The following NXPE3 variants were observed in gnomAD, a reference collection of about 807,000 sequenced individuals.
NXPE3 encodes NXPE family member 3.
Under a neutral mutation model 46.1 loss-of-function variants are expected in NXPE3, and 26 were observed. That is an observed-to-expected ratio of 0.56 (90% CI 0.41 to 0.78). NXPE3 has a LOEUF of 0.78. Ranked by LOEUF, NXPE3 falls within the 30% of genes least tolerant of loss-of-function variation. The probability of loss-of-function intolerance (pLI) is 0.00; values close to 1 mark genes in which losing one functional copy is unlikely to be tolerated. For missense variants in NXPE3, 620 were observed against 686.0 expected (o/e 0.90, Z 1.07); for synonymous variants, 272 against 257.9 (o/e 1.05, Z -0.52).
At chr3:101,819,469 G>A (rs1303634490) in intron 7 of NXPE3, among the ~76,000 whole-genome samples, 1 of 152,180 alleles carries the variant, frequency 6.6e-6, no homozygotes, top group African/African-American at 2.4e-5. Context: ...AGAGATGGAA[G>A]TTTTTCTGTA....
rs527636855 is a variant in NXPE3, at chr3:101,802,850, G to A, written c.848+861G>A. 4.6e-5 allele frequency among the ~76,000 whole-genome samples: 7 copies of A among 151,836 alleles called. No individual in the cohort carries two copies. The South Asian group carries it at 1.5e-3, about 32-fold the overall frequency. Reference sequence around the variant, plus strand: ...CTTCAACATTCCATAACATCACTAAGAAATAAAAAATTATAAAAGCTACAT... The same window carrying A: ...CTTCAACATTCCATAACATCACTAAAAAATAAAAAATTATAAAAGCTACAT... On this transcript the variant is annotated intron_variant, in intron 5 of 7. Transcript: ENST00000273347.
intron 4 of NXPE3, 33 bp downstream of exon 4, chr3:101,785,722 GGAGCC>G (rs1940134429): frequency 3.3e-5 from 52 of 1,579,430 alleles, no homozygotes; most frequent in Non-Finnish European, 4.3e-5. Context: ...CATAACTAAG[GGAGCC>G]GAGTCTGGGG....
chr3:101,784,212 T>C (rs1202065558), intron 3 of NXPE3, among the ~76,000 whole-genome samples: 3 of 152,184 alleles, frequency 2.0e-5, no homozygotes, highest in Non-Finnish European at 4.4e-5. Context: ...TTCTCTGATA[T>C]ATGGTTTTTT....
intron 7 of NXPE3, among the ~76,000 whole-genome samples, chr3:101,819,663 G>A (rs939701520): frequency 1.3e-5 from 2 of 151,944 alleles, no homozygotes; most frequent in Non-Finnish European, 2.9e-5. Context: ...TATATTTATG[G>A]GGTACAATGT....
rs1312040049 is a variant in NXPE3 at position 101,803,385 on chromosome 3, GTACAGTGTT to G, written c.848+1400_848+1408del. 5.5e-4 allele frequency among the ~76,000 whole-genome samples: 83 copies of G among 152,256 alleles called. 2 individuals carry two copies. The highest frequency in any genetic ancestry group is 6.5e-5 in the Admixed American group (1 of 15,300). On this transcript the variant is annotated intron_variant, in intron 5 of 7. Coordinates refer to ENST00000273347, the MANE Select transcript of NXPE3 (RefSeq NM_145037.4). The stretch of plus-strand genomic sequence containing the variant: ...GCCAGCAGAGGGAGCACTACTCAAT[GTACAGTGTT>G]TACTGTACTGCTGAGAAGACTAGTA...
chr3:101,781,567 C>T (rs547715308), intron 1 of NXPE3: 1 of 152,230 alleles, frequency 6.6e-6, no homozygotes, highest in South Asian at 2.1e-4. Flanking sequence ...AGAACACTTC[C>T]AACAAATACT....
chr3:101,785,764 C>A, intron 4 of NXPE3, 75 bp downstream of exon 4: 4 of 1,219,584 alleles, frequency 3.3e-6, no homozygotes, highest in Non-Finnish European at 4.9e-6. Context: ...CCTGGGAAAA[C>A]GTTGGTTATC....
chr3:101,808,840 T>TAC (rs957195453), intron 6 of NXPE3, among the ~76,000 whole-genome samples: 4 of 110,738 alleles, frequency 3.6e-5, no homozygotes, highest in Non-Finnish European at 7.2e-5. Flanking sequence ...TATATATATA[T>TAC]ATATATATAT....
chr3:101,788,051 C>G (rs1327089667), intron 4 of NXPE3, among the ~76,000 whole-genome samples: 1 of 152,158 alleles, frequency 6.6e-6, no homozygotes, highest in Non-Finnish European at 1.5e-5. Flanking sequence ...CTCGCCAGCA[C>G]TTGTCATTTT....
chr3:101,822,184 C>G lies in NXPE3; in HGVS notation c.*230C>G, dbSNP rs757686916. 3 of 465,818 alleles carry G rather than the reference C, an allele frequency of 6.4e-6. No homozygotes were observed. Among genetic ancestry groups the G allele is most frequent in the South Asian group, 8.1e-5 (2 of 24,782 alleles). 28.9% of individuals were successfully genotyped at this position (465,818 alleles called of 1,614,324 possible). A position where few individuals can be genotyped will look rare whatever the true frequency, so the allele number is the denominator to read the frequency against. ...TTAGCCATGGTAGAACTCTTAACTG[C>G]ATCTACACACTATATTGCTCTTGTA... On this transcript the variant is annotated 3_prime_UTR_variant, in exon 8 of 8. Coordinates refer to ENST00000273347, the MANE Select transcript of NXPE3 (RefSeq NM_145037.4).
chr3:101,821,543 T>G lies in NXPE3; in HGVS notation c.1269T>G (p.His423Gln), dbSNP rs35598292. 0.038 allele frequency: 61,769 copies of G among 1,614,138 alleles called. 1,398 individuals are homozygous for G. Among genetic ancestry groups the G allele is most frequent in the Non-Finnish European group, 0.046 (54,584 of 1,179,998 alleles). ...RFTTVFSNEL[H>Q]YVANELNGIV... ...CGACTGTCTTTAGCAATGAGCTCCATTATGTGGCGAATGAGCTGAATGGCA... is the reference window on the plus strand; with the variant it reads ...CGACTGTCTTTAGCAATGAGCTCCAGTATGTGGCGAATGAGCTGAATGGCA... Residue 423 changes from histidine (H) to glutamine (Q), a missense_variant, in exon 8 of 8, where the codon CAT becomes CAG. Around this residue, in one of 3 missense-constraint regions of NXPE3, gnomAD observed 511 missense variants for 528.6 expected, o/e 0.97. Coordinates refer to ENST00000273347, the MANE Select transcript of NXPE3 (RefSeq NM_145037.4).
rs1167244802 is a variant in NXPE3, at chr3:101,816,831, C to T, written c.959C>T (p.Thr320Ile). The T allele has an allele frequency of 1.9e-6, 3 of 1,613,962 alleles. No individual in the cohort carries two copies. Among genetic ancestry groups the T allele is most frequent in the Non-Finnish European group, 2.5e-6 (3 of 1,179,980 alleles). The change falls in exon 7 of 8, where the codon ACT becomes ATT. Residue 320 changes from threonine (T) to isoleucine (I), a missense_variant. By Grantham distance (89) the Thr-to-Ile change is moderately conservative. This residue lies in a region of NXPE3 where 511 missense variants were observed against 528.6 expected (regional missense o/e 0.97). Transcript: ENST00000273347. ...NSLELSQGSG[T>I]FPSGYYYKDQ... ...CTAGAACTATCTCAAGGCTCAGGAA[C>T]TTTTCCTTCTGGGTATTATTATAAA...
chr3:101,781,639 A>G (rs1462729569), intron 1 of NXPE3: 2 of 152,216 alleles, frequency 1.3e-5, no homozygotes, highest in Non-Finnish European at 2.9e-5. Context: ...CACATATTAT[A>G]AAAATAAAGC....
intron 4 of NXPE3, among the ~76,000 whole-genome samples, chr3:101,795,030 G>C (rs975337906): frequency 6.6e-6 from 1 of 152,172 alleles, no homozygotes; most frequent in African/African-American, 2.4e-5. Flanking sequence ...CTGTTGTCAT[G>C]AATTTTAAGC....
rs1260749352 is a variant in NXPE3, at chr3:101,801,452, C to T, written c.311C>T (p.Ser104Phe). ...PVPFVKSTDP[S>F]SSYFVILNSA... Reference sequence around the variant, plus strand: ...CCCTTTGTGAAGAGCACTGACCCTTCTTCCAGCTACTTTGTCATCTTGAAC... The same window carrying T: ...CCCTTTGTGAAGAGCACTGACCCTTTTTCCAGCTACTTTGTCATCTTGAAC... The change falls in exon 5 of 8, where the codon TCT (serine) becomes TTT (phenylalanine). Residue 104 changes from serine to phenylalanine, a missense_variant. Ser to Phe is a radical substitution (Grantham distance 155, BLOSUM62 -2). This residue lies in a region of NXPE3 where 511 missense variants were observed against 528.6 expected (regional missense o/e 0.97). Coordinates refer to ENST00000273347, the MANE Select transcript of NXPE3 (RefSeq NM_145037.4). 4 of 1,614,226 alleles carry T rather than the reference C, an allele frequency of 2.5e-6. No homozygotes were observed. Among genetic ancestry groups the T allele is most frequent in the South Asian group, 1.1e-5 (1 of 91,090 alleles).
chr3:101,812,495 G>A (rs758371005), intron 6 of NXPE3, among the ~76,000 whole-genome samples: 1 of 152,056 alleles, frequency 6.6e-6, no homozygotes, highest in Non-Finnish European at 1.5e-5. Context: ...AAGTCACTCT[G>A]TGACTTGCTT....
intron 6 of NXPE3, among the ~76,000 whole-genome samples, chr3:101,808,137 A>G (rs1336427076): frequency 6.6e-6 from 1 of 152,216 alleles, no homozygotes; most frequent in African/African-American, 2.4e-5. Flanking sequence ...GCTGAGCAAG[A>G]AAGTTTTAAC....
chr3:101,811,522 CCTT>C (rs1389316050), intron 6 of NXPE3, among the ~76,000 whole-genome samples: 1 of 152,046 alleles, frequency 6.6e-6, no homozygotes, highest in African/African-American at 2.4e-5. Context: ...CGTTTTGAGT[CCTT>C]CTTTGTTAGA....
rs575872297 is a variant in NXPE3, at chr3:101,823,800, G to A, written c.*1846G>A. On this transcript the variant is annotated 3_prime_UTR_variant, in exon 8 of 8. Transcript: ENST00000273347. ...TTTGTTAAATAATAAAAGAATTAAG[G>A]CCAGGGATGTTGGCTCACATCTGTA... 5.3e-5 allele frequency: 8 copies of A among 151,818 alleles called. No homozygotes were observed. The East Asian group carries it at 7.7e-4, about 15-fold the overall frequency. 9.4% of individuals were successfully genotyped at this position (151,818 alleles called of 1,614,324 possible).
Sources: gnomAD v4.1 joint callset for allele counts (sites outside exome capture counted in the v4.1 genomes callset) on GRCh38, gnomAD v4.1.1 for gene constraint, gnomAD v4.1.1 regional missense constraint, MANE v1.5 for transcripts, NCBI Gene and HGNC (gene_info 2026-07-23, HGNC 2026-07-21) for gene names.